ATXN2: variants seen among roughly 807,000 people sequenced by gnomAD.
ATXN2 encodes ataxin-2.
In ATXN2, 37 loss-of-function variants were observed where a neutral mutation model predicts 138.6. The observed-to-expected ratio is 0.27, with a 90% CI of 0.21 to 0.35. The LOEUF (loss-of-function observed/expected upper bound fraction) is 0.35. Ranked by LOEUF, ATXN2 falls within the 10% of genes least tolerant of loss-of-function variation. The probability of loss-of-function intolerance (pLI) is 1.00; values close to 1 mark genes in which losing one functional copy is unlikely to be tolerated. For missense variants in ATXN2, 1,216 were observed against 1,480.3 expected, an observed-to-expected ratio of 0.82 and a Z score of 2.93; for synonymous variants, 549 against 543.7, an observed-to-expected ratio of 1.01 and a Z score of -0.13.
At chr12:111,499,015 A>G (rs1387845094) in intron 14 of ATXN2, among the ~76,000 whole-genome samples, 1 of 152,046 alleles carries the variant, frequency 6.6e-6, no homozygotes, top group Non-Finnish European at 1.5e-5. Flanking sequence ...ATGAAACCAG[A>G]CCCCTGTGTC....
intron 18 of ATXN2, among the ~76,000 whole-genome samples, chr12:111,476,545 G>T (rs1387460512): frequency 6.6e-6 from 1 of 151,760 alleles, no homozygotes; most frequent in Non-Finnish European, 1.5e-5. Context: ...GAAACAGTGG[G>T]TTTACCAACA....
At chr12:111,506,742 T>G (rs1400643617) in intron 14 of ATXN2, among the ~76,000 whole-genome samples, 1 of 149,918 alleles carries the variant, frequency 6.7e-6, no homozygotes, top group Non-Finnish European at 1.5e-5. Context: ...TGCTGCCATC[T>G]CGGCTCACTG....
Position 111,470,642 on chromosome 12 carries a change from A to G in ATXN2, c.2625T>C (p.Ala875=). 2.5e-6 allele frequency: 4 copies of G among 1,614,154 alleles called. 1 individual carries two copies. The Middle Eastern group carries it at 4.9e-4, about 200-fold the overall frequency. Residue 875 remains alanine (A), a synonymous_variant, in exon 19 of 25, where the codon GCT becomes GCC. Transcript: ENST00000673436. ...TGTAGGCAACATATTGCGTGGAGTAAGCTGGTGGGGTGGCTGCAATCGGTG... is the reference window on the plus strand; with the variant it reads ...TGTAGGCAACATATTGCGTGGAGTAGGCTGGTGGGGTGGCTGCAATCGGTG... The part of the protein sequence containing the change: ...AGPPIAATPP[A]YSTQYVAYSP...
intron 1 of ATXN2, among the ~76,000 whole-genome samples, chr12:111,584,903 A>T (rs1259557939): frequency 6.6e-6 from 1 of 152,128 alleles, no homozygotes; most frequent in African/African-American, 2.4e-5. Context: ...CGGGAGGCAG[A>T]TCGGGCCATT....
In ATXN2 at chr12:111,539,755, A is replaced by AAAAAAT. The variant is rs796921752; in HGVS notation, c.571+12519_571+12524dup. On this transcript the variant is annotated intron_variant, in intron 5 of 24. Coordinates refer to ENST00000673436, the MANE Select transcript of ATXN2 (RefSeq NM_001372574.1). ...CAGAGCAAGACTCTGTCTCAAAAAT[A>AAAAAAT]AAAAATAAAAATAAAAAAAGAAAAA... Among the ~76,000 whole-genome samples, 297 of 150,362 alleles carry AAAAAAT rather than the reference A, an allele frequency of 2.0e-3. 5 individuals are homozygous for AAAAAAT. The highest frequency in any genetic ancestry group is 7.0e-3 in the African/African-American group (288 of 41,408).
At chr12:111,523,604 T>G (rs1397461808) in intron 6 of ATXN2, among the ~76,000 whole-genome samples, 2 of 152,072 alleles carry the variant, frequency 1.3e-5, no homozygotes, top group African/African-American at 4.8e-5. Context: ...CGCACGCCTA[T>G]AGTCCCAGCT....
chr12:111,599,142 A>AGGCGCGGGTT lies in ATXN2; in HGVS notation c.-118_-109dup, dbSNP rs1885127443. On this transcript the variant is annotated 5_prime_UTR_variant, in exon 1 of 25. Coordinates refer to ENST00000673436, the MANE Select transcript of ATXN2 (RefSeq NM_001372574.1). ...GGGGACGCGCGGGCGCCGAGCGGGG[A>AGGCGCGGGTT]GGCGCGGGTTGGCGCGGCCGGAGGG... 5.8e-6 allele frequency: 7 copies of AGGCGCGGGTT among 1,214,010 alleles called. No individual in the cohort carries two copies. The highest frequency in any genetic ancestry group is 4.9e-5 in the African/African-American group (3 of 61,840). 75.2% of individuals were successfully genotyped at this position (1,214,010 alleles called of 1,614,324 possible).
At chr12:111,521,483 T>C (rs1037046018) in intron 6 of ATXN2, among the ~76,000 whole-genome samples, 1 of 152,180 alleles carries the variant, frequency 6.6e-6, no homozygotes, top group Non-Finnish European at 1.5e-5. Context: ...TATTCAACGA[T>C]TCCAAGGTCG....
chr12:111,470,060 T>G (rs763146472), intron 20 of ATXN2, 48 bp downstream of exon 20: 3 of 1,544,922 alleles, frequency 1.9e-6, no homozygotes, highest in Non-Finnish European at 2.6e-6. Context: ...GAAACTTAAA[T>G]TAAGAAGAGT....
chr12:111,519,857 C>T, intron 8 of ATXN2, 22 bp downstream of exon 8: 2 of 1,614,116 alleles, frequency 1.2e-6, no homozygotes, highest in Non-Finnish European at 1.7e-6. Flanking sequence ...CAAAATACTG[C>T]ATCATGATTT....
intron 5 of ATXN2, among the ~76,000 whole-genome samples, chr12:111,541,976 C>A (rs1763014869): frequency 6.7e-6 from 1 of 148,940 alleles, no homozygotes; most frequent in Non-Finnish European, 1.5e-5. Flanking sequence ...CCATGTTGGC[C>A]AGGCTGGTCT....
intron 14 of ATXN2, among the ~76,000 whole-genome samples, chr12:111,507,416 C>T (rs1232499297): frequency 6.9e-6 from 1 of 145,786 alleles, no homozygotes; most frequent in African/African-American, 2.6e-5. Context: ...AGTGAGAAGC[C>T]CCTCCGCCTG....
intron 12 of ATXN2, 114 bp downstream of exon 12, chr12:111,510,271 C>T: frequency 2.5e-6 from 3 of 1,191,310 alleles, no homozygotes; most frequent in Non-Finnish European, 3.6e-6. Flanking sequence ...TAAATGTGCA[C>T]TAAAAATACT....
chr12:111,477,756 CTTT>C (rs78144501), intron 18 of ATXN2, among the ~76,000 whole-genome samples: 1 of 151,680 alleles, frequency 6.6e-6, no homozygotes, highest in Admixed American at 6.6e-5. Context: ...AGAAACATGA[CTTT>C]TTTTTCTTTT....
chr12:111,543,579 G>T (rs1881648321), intron 5 of ATXN2, among the ~76,000 whole-genome samples: 1 of 152,012 alleles, frequency 6.6e-6, no homozygotes, highest in South Asian at 2.1e-4. Flanking sequence ...GATTAGAGGC[G>T]CACACCAGCA....
At chr12:111,575,420 T>C (rs1434783982) in intron 1 of ATXN2, among the ~76,000 whole-genome samples, 1 of 152,054 alleles carries the variant, frequency 6.6e-6, no homozygotes, top group Non-Finnish European at 1.5e-5. Flanking sequence ...CTCCTGGCCC[T>C]TCCCATTTCA....
chr12:111,483,735 A>G (rs1359794049), intron 18 of ATXN2, among the ~76,000 whole-genome samples: 1 of 152,114 alleles, frequency 6.6e-6, no homozygotes, highest in Non-Finnish European at 1.5e-5. Flanking sequence ...ATACTAGTTT[A>G]TGCAACTACA....
At chr12:111,574,106 G>A (rs1275417977) in intron 1 of ATXN2, among the ~76,000 whole-genome samples, 6 of 151,130 alleles carry the variant, frequency 4.0e-5, no homozygotes, top group African/African-American at 1.2e-4. Context: ...TCATGAGGTC[G>A]GGATCTGTGG....
chr12:111,492,544 T>G (rs1878105327), intron 14 of ATXN2, among the ~76,000 whole-genome samples: 2 of 152,144 alleles, frequency 1.3e-5, no homozygotes, highest in South Asian at 4.1e-4. Context: ...TAGCCAGGCG[T>G]GGTGGCACGC....
Sources: gnomAD v4.1 joint callset for allele counts (sites outside exome capture counted in the v4.1 genomes callset) on GRCh38, gnomAD v4.1.1 for gene constraint, MANE v1.5 for transcripts, NCBI Gene and HGNC (gene_info 2026-07-23, HGNC 2026-07-21) for gene names.